RAD54B: variants seen among roughly 807,000 people sequenced by gnomAD.
RAD54B encodes the protein RAD54 homolog B, also known as DNA repair and recombination protein RAD54B.
In RAD54B, 78 loss-of-function variants were observed where a neutral mutation model predicts 95.8. That is an observed-to-expected ratio of 0.81 (90% confidence interval 0.68 to 0.98). The LOEUF (loss-of-function observed/expected upper bound fraction) is 0.98, where lower values mean the gene tolerates loss of function less well. Among genes scored for constraint, RAD54B ranks in the 50% least tolerant of loss-of-function variants. The pLI is 0.00. For missense variants in RAD54B, 957 were observed against 1,056.6 expected, an observed-to-expected ratio of 0.91 and a Z score of 1.31; for synonymous variants, 328 against 354.9, an observed-to-expected ratio of 0.92 and a Z score of 0.85.
At chr8:94,437,568 A>C (rs981188992) in intron 3 of RAD54B, among the ~76,000 whole-genome samples, 4 of 152,320 alleles carry the variant, frequency 2.6e-5, no homozygotes, top group Middle Eastern at 3.4e-3. Flanking sequence ...TCACTTAAGA[A>C]AAAATTTTTA....
At chr8:94,387,376 C>T in intron 10 of RAD54B, 2 of 380,322 alleles carry the variant, frequency 5.3e-6, no homozygotes, top group Non-Finnish European at 9.3e-6. Flanking sequence ...CTAACGCAGT[C>T]TCATGCCTGC....
At chr8:94,397,421 AG>A (rs1280146458) in intron 8 of RAD54B, among the ~76,000 whole-genome samples, 1 of 152,126 alleles carries the variant, frequency 6.6e-6, no homozygotes. Context: ...AGGGGATAAG[AG>A]TGATAAGGAC....
chr8:94,470,741 G>C (rs759445413), intron 1 of RAD54B, among the ~76,000 whole-genome samples: 10 of 150,592 alleles, frequency 6.6e-5, no homozygotes, highest in Non-Finnish European at 1.2e-4. Context: ...CTGGGTGACA[G>C]AGCAACACTC....
intron 2 of RAD54B, among the ~76,000 whole-genome samples, chr8:94,464,969 C>G (rs1346265209): frequency 6.6e-6 from 1 of 152,078 alleles, no homozygotes; most frequent in Non-Finnish European, 1.5e-5. Flanking sequence ...AGAGCGAAAA[C>G]TCACTCATTA....
chr8:94,446,815 G>T (rs952787653), intron 3 of RAD54B, among the ~76,000 whole-genome samples: 4 of 152,100 alleles, frequency 2.6e-5, no homozygotes, highest in Admixed American at 6.6e-5. Context: ...CTAGATGGTG[G>T]CCACCAAGGC....
At chr8:94,392,540 G>C (rs1811046726) in intron 9 of RAD54B, among the ~76,000 whole-genome samples, 1 of 152,076 alleles carries the variant, frequency 6.6e-6, no homozygotes, top group East Asian at 1.9e-4. Context: ...GGGATTACAG[G>C]CATGAGCCAC....
At chr8:94,432,720 C>A in intron 3 of RAD54B, 1 of 1,380,416 alleles carries the variant, frequency 7.2e-7, no homozygotes, top group Non-Finnish European at 9.4e-7. Flanking sequence ...ATATTTATAG[C>A]ATAATTTTAA....
At chr8:94,443,003 C>A (rs993651593) in intron 3 of RAD54B, among the ~76,000 whole-genome samples, 2 of 152,204 alleles carry the variant, frequency 1.3e-5, no homozygotes, top group Non-Finnish European at 2.9e-5. Flanking sequence ...TACATATCCC[C>A]TAAAACCAGC....
Position 94,437,862 on chromosome 8 carries a change from A to G in RAD54B, c.304+20406T>C, listed in dbSNP as rs574814844. Among the ~76,000 whole-genome samples, 16 of 152,340 alleles carry G rather than the reference A, an allele frequency of 1.1e-4. No individual in the cohort carries two copies. In the South Asian group the frequency reaches 2.9e-3, roughly 28 times the overall value. On this transcript the variant is annotated intron_variant, in intron 3 of 14. Transcript: ENST00000336148. ...GGCCACCAGTTTCGGTGCTTAGAATATATTTGTTAACCCCAGTATGAAAAT... is the reference window on the plus strand; with the variant it reads ...GGCCACCAGTTTCGGTGCTTAGAATGTATTTGTTAACCCCAGTATGAAAAT...
intron 9 of RAD54B, among the ~76,000 whole-genome samples, chr8:94,392,934 T>C (rs1811057723): frequency 6.6e-6 from 1 of 151,496 alleles, no homozygotes; most frequent in Non-Finnish European, 1.5e-5. Flanking sequence ...CCTCCCGGGT[T>C]CAAGTGATTC....
intron 3 of RAD54B, chr8:94,431,498 C>T (rs998798505): frequency 1.6e-5 from 16 of 981,112 alleles, no homozygotes; most frequent in African/African-American, 7.0e-5. Context: ...TATCGAATAG[C>T]GGGATGGAAA....
chr8:94,432,468 A>G (rs1171643619), intron 3 of RAD54B: 1 of 1,550,540 alleles, frequency 6.4e-7, no homozygotes, highest in East Asian at 2.4e-5. Flanking sequence ...GGATCTTTCC[A>G]TAACATGTAC....
Position 94,387,174 on chromosome 8 carries a change from G to T in RAD54B, c.1810-15C>A. On this transcript the variant is annotated splice_polypyrimidine_tract_variant and intron_variant, in intron 10 of 14. Coordinates refer to ENST00000336148, the MANE Select transcript of RAD54B (RefSeq NM_012415.3). Reference sequence around the variant, plus strand: ...CATTCCTTTTCCTATTCAAAATGATGATTGTTAATGCTGGCTCAAGTTTGT... The same window carrying T: ...CATTCCTTTTCCTATTCAAAATGATTATTGTTAATGCTGGCTCAAGTTTGT... 1 of 1,552,844 alleles carries T rather than the reference G, an allele frequency of 6.4e-7. No homozygotes were observed. The highest frequency in any genetic ancestry group is 8.7e-7 in the Non-Finnish European group (1 of 1,153,642).
rs746965466 is a variant in RAD54B at position 94,387,169 on chromosome 8, A to G, written c.1810-10T>C. 2 of 1,564,642 alleles carry G rather than the reference A, an allele frequency of 1.3e-6. 1 individual carries two copies. The highest frequency in any genetic ancestry group is 2.4e-5 in the South Asian group (2 of 82,138). On this transcript the variant is annotated splice_polypyrimidine_tract_variant and intron_variant, in intron 10 of 14. Transcript: ENST00000336148. ...AGCTACATTCCTTTTCCTATTCAAAATGATGATTGTTAATGCTGGCTCAAG... is the reference window on the plus strand; with the variant it reads ...AGCTACATTCCTTTTCCTATTCAAAGTGATGATTGTTAATGCTGGCTCAAG...
chr8:94,434,371 C>A (rs1812200865), intron 3 of RAD54B, among the ~76,000 whole-genome samples: 1 of 151,564 alleles, frequency 6.6e-6, no homozygotes, highest in Admixed American at 6.6e-5. Flanking sequence ...TAGAGCAGGT[C>A]ACAAAAATGA....
chr8:94,429,715 T>C, intron 3 of RAD54B: 1 of 984,024 alleles, frequency 1.0e-6, no homozygotes, highest in Non-Finnish European at 1.2e-6. Flanking sequence ...GGTAACATTG[T>C]CAAAAGGATA....
rs1422767050 is a variant in RAD54B at position 94,372,362 on chromosome 8, G to A, written c.2541C>T (p.Val847=). The A allele has an allele frequency of 6.2e-7, 1 of 1,613,140 alleles. No individual in the cohort carries two copies. The highest frequency in any genetic ancestry group is 8.5e-7 in the Non-Finnish European group (1 of 1,179,766). ...GTGGACCAAGCTGACAATCTCTAGA[G>A]ACAATGAATTTTTCCAACGAATCAC... The part of the protein sequence containing the change: ...HTGDSLEKFI[V]SRDCQLGPHH... The change falls in exon 15 of 15, where the codon GTC becomes GTT. Residue 847 remains valine, a synonymous_variant. Coordinates refer to ENST00000336148, the MANE Select transcript of RAD54B (RefSeq NM_012415.3).
At chr8:94,401,342 T>C (rs1457594416) in intron 6 of RAD54B, among the ~76,000 whole-genome samples, 1 of 152,084 alleles carries the variant, frequency 6.6e-6, no homozygotes, top group Admixed American at 6.6e-5. Flanking sequence ...CCCTTCCTCT[T>C]CCTCCTCTTC....
chr8:94,378,334 A>G lies in RAD54B; in HGVS notation c.2361T>C (p.Gly787=). The change falls in exon 14 of 15, where the codon GGT becomes GGC. Residue 787 remains glycine, a synonymous_variant. Coordinates refer to ENST00000336148, the MANE Select transcript of RAD54B (RefSeq NM_012415.3). ...TGAGGTCGACAACTGCCCCACAAAG[A>G]CCTTGCTTACTGATCTGCCTTTGAT... ...KIYQRQISKQ[G]LCGAVVDLTK... is the part of the protein sequence containing the mutation. The G allele has an allele frequency of 6.2e-7, 1 of 1,613,930 alleles. No homozygotes were observed.
Sources: gnomAD v4.1 joint callset for allele counts (sites outside exome capture counted in the v4.1 genomes callset) on GRCh38, gnomAD v4.1.1 for gene constraint, MANE v1.5 for transcripts, NCBI Gene and HGNC (gene_info 2026-07-23, HGNC 2026-07-21) for gene names.